The following EDC3 variants were observed in gnomAD, a reference collection of about 807,000 sequenced individuals.
The protein encoded by EDC3 is enhancer of mRNA-decapping protein 3.
A neutral mutation model predicts 41.8 loss-of-function variants in EDC3; 20 were observed. That is an observed-to-expected ratio of 0.48 (90% confidence interval 0.34 to 0.70). The LOEUF (loss-of-function observed/expected upper bound fraction) is 0.70. Among genes scored for constraint, EDC3 ranks in the 30% least tolerant of loss-of-function variants. The pLI is 0.01. For synonymous variants in EDC3, 206 were observed against 243.2 expected (o/e 0.85, Z 1.42); for missense variants, 444 against 636.8 (o/e 0.70, Z 3.26).
chr15:74,674,828 A>G, intron 2 of EDC3, 133 bp downstream of exon 2: 1 of 1,053,420 alleles, frequency 9.5e-7, no homozygotes, highest in Admixed American at 2.0e-5. Context: ...CAGCCTGGCC[A>G]ACACAGTGAA....
chr15:74,672,285 AAAAG>A (rs1350155295), intron 2 of EDC3, among the ~76,000 whole-genome samples: 7 of 143,220 alleles, frequency 4.9e-5, no homozygotes, highest in Non-Finnish European at 3.0e-5. Flanking sequence ...AAAAAAAAAA[AAAAG>A]AGAGGCTATT....
In EDC3 at chr15:74,675,077, A is replaced by G. The variant is rs770766373; in HGVS notation, c.48T>C (p.Asp16=). ...LGSIVSINCG[D]SLGVYQGRVS... is the part of the protein sequence containing the mutation. ...CTCTTCCCTGATAGACACCCAAGCT[A>G]TCTCCACAATTGATGGACACAATAC... The change falls in exon 2 of 7, where the codon GAT becomes GAC. Residue 16 remains aspartate, a synonymous_variant. Coordinates refer to ENST00000315127, the MANE Select transcript of EDC3 (RefSeq NM_025083.5). 1.5e-5 allele frequency: 24 copies of G among 1,613,822 alleles called. No individual in the cohort carries two copies. The highest frequency in any genetic ancestry group is 1.9e-5 in the Non-Finnish European group (22 of 1,180,034).
chr15:74,667,517 T>C (rs11635292), intron 3 of EDC3, among the ~76,000 whole-genome samples: 135 of 1,042 alleles, frequency 0.13, no homozygotes, highest in Non-Finnish European at 0.18. Flanking sequence ...GCAGCAGCAG[T>C]AGTAGTAGTA....
intron 1 of EDC3, among the ~76,000 whole-genome samples, chr15:74,693,235 CCTT>C (rs1367390413): frequency 6.6e-6 from 1 of 152,198 alleles, no homozygotes; most frequent in Non-Finnish European, 1.5e-5. Flanking sequence ...CTTCTCACAG[CCTT>C]CTTAACCACA....
intron 3 of EDC3, among the ~76,000 whole-genome samples, chr15:74,663,188 G>A (rs1407811207): frequency 6.6e-6 from 1 of 152,188 alleles, no homozygotes; most frequent in Admixed American, 6.5e-5. Context: ...TCCAGAGGCT[G>A]AGGCAGGAGA....
At chr15:74,656,406 A>AACACACACACACACACACACAC (rs143925363) in intron 3 of EDC3, among the ~76,000 whole-genome samples, 2 of 145,848 alleles carry the variant, frequency 1.4e-5, no homozygotes, top group African/African-American at 5.1e-5. Flanking sequence ...TCTGTCTCAA[A>AACACACACACACACACACACAC]ACACACACAC....
chr15:74,675,050 C>T lies in EDC3; in HGVS notation c.75G>A (p.Val25=). Residue 25 remains valine (V), a synonymous_variant, in exon 2 of 7, where the codon GTG becomes GTA. Coordinates refer to ENST00000315127, the MANE Select transcript of EDC3 (RefSeq NM_025083.5). ...TCTGGCTGACCTGATCCACAGCTGA[C>T]ACTCTTCCCTGATAGACACCCAAGC... ...GDSLGVYQGR[V]SAVDQVSQTI... 1 of 1,614,094 alleles carries T rather than the reference C, an allele frequency of 6.2e-7. No individual in the cohort carries two copies. The highest frequency in any genetic ancestry group is 1.1e-5 in the South Asian group (1 of 91,082).
chr15:74,693,986 C>CA (rs879928519), intron 1 of EDC3, among the ~76,000 whole-genome samples: 3,549 of 140,060 alleles, frequency 0.025, 136 homozygotes, highest in African/African-American at 0.085. Flanking sequence ...GACTCCATCT[C>CA]AAAAAAAAAA....
At chr15:74,670,525 G>A (rs1304080750) in intron 3 of EDC3, among the ~76,000 whole-genome samples, 3 of 152,166 alleles carry the variant, frequency 2.0e-5, no homozygotes, top group Non-Finnish European at 4.4e-5. Flanking sequence ...TGCCTCCTGG[G>A]TTCAAGGGAT....
At chr15:74,682,628 A>C (rs2062886070) in intron 1 of EDC3, among the ~76,000 whole-genome samples, 1 of 151,668 alleles carries the variant, frequency 6.6e-6, no homozygotes, top group Non-Finnish European at 1.5e-5. Flanking sequence ...AAAAAAAAAA[A>C]AAAAAAAAAC....
intron 4 of EDC3, chr15:74,644,159 A>G (rs2062385820): frequency 6.6e-6 from 1 of 152,180 alleles, no homozygotes; most frequent in Non-Finnish European, 1.5e-5. Flanking sequence ...TATGACCCAC[A>G]AGACCTGCTG....
intron 3 of EDC3, among the ~76,000 whole-genome samples, chr15:74,659,069 G>C (rs1284187821): frequency 6.6e-6 from 1 of 152,218 alleles, no homozygotes; most frequent in African/African-American, 2.4e-5. Context: ...TTAAGTTCTA[G>C]TTCCAATAAT....
chr15:74,654,382 T>C (rs1354396443), intron 4 of EDC3, among the ~76,000 whole-genome samples: 1 of 152,194 alleles, frequency 6.6e-6, no homozygotes, highest in African/African-American at 2.4e-5. Context: ...CAGCTTCTTT[T>C]ACAAAGAGGG....
intron 1 of EDC3, among the ~76,000 whole-genome samples, chr15:74,689,276 A>T (rs1445243582): frequency 6.6e-6 from 1 of 152,124 alleles, no homozygotes. Flanking sequence ...TCTGCTCCTC[A>T]TCTTGCCAAA....
chr15:74,676,425 TAAAAC>T (rs1365809691), intron 1 of EDC3, among the ~76,000 whole-genome samples: 1 of 151,396 alleles, frequency 6.6e-6, no homozygotes, highest in Non-Finnish European at 1.5e-5. Context: ...CTAAGAAAAA[TAAAAC>T]AAAAATTAGC....
At chr15:74,669,511 C>CAA (rs58880243) in intron 3 of EDC3, among the ~76,000 whole-genome samples, 5,963 of 135,848 alleles carry the variant, frequency 0.044, 147 homozygotes, top group Middle Eastern at 0.13. Flanking sequence ...GGCTCCATCT[C>CAA]AAAAAAAAAA....
At position 74,630,666 on chromosome 15, in the gene EDC3, T is replaced by G. The variant is rs550137043; in HGVS notation, c.*1946A>C. ...GGGGCCCCTTGGGAACTGGGTACTA[T>G]GGGCAGGATGCCCCTGAAAAGAACT... is the stretch of plus-strand genomic sequence containing the variant. On this transcript the variant is annotated 3_prime_UTR_variant, in exon 7 of 7. Coordinates refer to ENST00000315127, the MANE Select transcript of EDC3 (RefSeq NM_025083.5). The G allele has an allele frequency of 6.6e-6, 1 of 152,286 alleles. No homozygotes were observed. The highest frequency in any genetic ancestry group is 1.5e-5 in the Non-Finnish European group (1 of 68,084). 9.4% of individuals were successfully genotyped at this position (152,286 alleles called of 1,614,324 possible). A position where few individuals can be genotyped will look rare whatever the true frequency, so the allele number is the denominator to read the frequency against.
chr15:74,654,958 T>A (rs978158523), intron 4 of EDC3, among the ~76,000 whole-genome samples: 9 of 152,206 alleles, frequency 5.9e-5, no homozygotes, highest in African/African-American at 2.2e-4. Context: ...TGATTATGAC[T>A]TCCCCTTTAG....
chr15:74,636,382 G>C (rs1025608618), intron 5 of EDC3: 1 of 152,268 alleles, frequency 6.6e-6, no homozygotes, highest in Non-Finnish European at 1.5e-5. Flanking sequence ...TGACCATGGC[G>C]GAGGCAGCAG....
Sources: allele counts gnomAD v4.1 joint callset (sites outside exome capture counted in the v4.1 genomes callset), GRCh38; gene constraint gnomAD v4.1.1; transcripts MANE v1.5; gene names NCBI Gene and HGNC (gene_info 2026-07-23, HGNC 2026-07-21).